The following PARD3B variants were observed in gnomAD, a reference collection of about 807,000 sequenced individuals.
PARD3B encodes partitioning defective 3 homolog B.
PARD3B carries 103 observed loss-of-function variants against 130.2 expected under a neutral mutation model. That is an observed-to-expected ratio of 0.79 (90% CI 0.67 to 0.93). The LOEUF is 0.93. PARD3B is among the 40% of genes least tolerant of loss of function. The probability of loss-of-function intolerance (pLI) is 0.00; values close to 1 mark genes in which losing one functional copy is unlikely to be tolerated. For synonymous variants in PARD3B, 583 were observed against 553.2 expected (o/e 1.05, Z -0.76); for missense variants, 1,609 against 1,499.2 (o/e 1.07, Z -1.21).
chr2:205,104,361 A>G (rs1310522506), intron 4 of PARD3B, 65 bp from the exon 5 acceptor site: 1 of 1,201,808 alleles, frequency 8.3e-7, no homozygotes, highest in African/African-American at 1.5e-5. Flanking sequence ...ATATTGGGAT[A>G]TTTTATTCAG....
chr2:205,041,576 C>T (rs1308570689), intron 3 of PARD3B, among the ~76,000 whole-genome samples: 3 of 152,058 alleles, frequency 2.0e-5, no homozygotes, highest in Non-Finnish European at 4.4e-5. Context: ...GTGAGGTCCT[C>T]TAGTTCTTAC....
rs1283594347 is a variant in PARD3B at position 205,091,903 on chromosome 2, A to G, written c.505-12523A>G. ...AGCACTGGAGCAAAGGGGACCCTCA[A>G]TAAGGACTTGTGAACTGAATGATTC... On this transcript the variant is annotated intron_variant, in intron 4 of 22. Coordinates refer to ENST00000406610, the MANE Select transcript of PARD3B (RefSeq NM_001302769.2). The surrounding 1 kb of genome is among the most constrained non-coding windows in gnomAD (Gnocchi z 4.2). 2.0e-5 allele frequency among the ~76,000 whole-genome samples: 3 copies of G among 152,144 alleles called. No individual in the cohort carries two copies. Among genetic ancestry groups the G allele is most frequent in the Non-Finnish European group, 4.4e-5 (3 of 68,020 alleles).
At chr2:204,808,968 A>C (rs114457033) in intron 2 of PARD3B, among the ~76,000 whole-genome samples, 4,953 of 152,170 alleles carry the variant, frequency 0.033, 87 homozygotes, top group Middle Eastern at 0.068. Context: ...TTTTATTGCC[A>C]TTCTGACTGG....
At chr2:205,386,287 G>C (rs886441490) in intron 18 of PARD3B, among the ~76,000 whole-genome samples, 17 of 152,136 alleles carry the variant, frequency 1.1e-4, no homozygotes, top group African/African-American at 3.4e-4. Context: ...AAGACTCTCT[G>C]GGGTTGGGAG....
intron 19 of PARD3B, among the ~76,000 whole-genome samples, chr2:205,413,909 A>T (rs957362154): frequency 6.6e-6 from 1 of 152,200 alleles, no homozygotes; most frequent in African/African-American, 2.4e-5. Flanking sequence ...AGTACCATTT[A>T]TTTTAACCTT....
At chr2:204,802,899 T>G (rs561919807) in intron 2 of PARD3B, among the ~76,000 whole-genome samples, 1 of 152,090 alleles carries the variant, frequency 6.6e-6, no homozygotes, top group South Asian at 2.1e-4. Flanking sequence ...GATGATGGGT[T>G]GATGGGTGCA....
intron 2 of PARD3B, among the ~76,000 whole-genome samples, chr2:204,851,278 T>G (rs2044697246): frequency 6.6e-6 from 1 of 152,170 alleles, no homozygotes. Context: ...TGCCTGCCTG[T>G]GTGAGTTTGC....
intron 1 of PARD3B, among the ~76,000 whole-genome samples, chr2:204,584,063 G>A (rs112708532): frequency 9.8e-5 from 15 of 152,344 alleles, no homozygotes; most frequent in African/African-American, 3.6e-4. Flanking sequence ...GCTGGAGCCA[G>A]GAATTTGTAG....
At chr2:205,385,490 G>A (rs549226014) in intron 18 of PARD3B, among the ~76,000 whole-genome samples, 37 of 152,052 alleles carry the variant, frequency 2.4e-4, no homozygotes, top group African/African-American at 8.2e-4. Context: ...TCCTATAGAG[G>A]GCTTTCTGGA....
chr2:205,217,786 ATG>A (rs1392320212), intron 15 of PARD3B, among the ~76,000 whole-genome samples: 1 of 146,502 alleles, frequency 6.8e-6, no homozygotes, highest in Non-Finnish European at 1.5e-5. Flanking sequence ...ATGTATATAT[ATG>A]TGTGCATGTA....
At chr2:205,077,497 T>C (rs1701139741) in intron 4 of PARD3B, among the ~76,000 whole-genome samples, 1 of 152,198 alleles carries the variant, frequency 6.6e-6, no homozygotes, top group Non-Finnish European at 1.5e-5. Flanking sequence ...TTTCTCTTGA[T>C]GCATGCGTGC....
At chr2:205,370,045 T>A (rs1478749793) in intron 18 of PARD3B, among the ~76,000 whole-genome samples, 1 of 152,138 alleles carries the variant, frequency 6.6e-6, no homozygotes, top group African/African-American at 2.4e-5. Context: ...TTTTCCTCAC[T>A]TCCCCAAGGA....
At chr2:205,085,919 G>A (rs1290646843) in intron 4 of PARD3B, among the ~76,000 whole-genome samples, 1 of 152,128 alleles carries the variant, frequency 6.6e-6, no homozygotes, top group Non-Finnish European at 1.5e-5. Context: ...CATTATATAA[G>A]GCTGTATCTT....
intron 21 of PARD3B, among the ~76,000 whole-genome samples, chr2:205,542,271 G>A (rs1385996871): frequency 6.6e-6 from 1 of 151,390 alleles, no homozygotes; most frequent in Non-Finnish European, 1.5e-5. Context: ...AGGTTGCTAT[G>A]GGTTACTAAA....
intron 2 of PARD3B, among the ~76,000 whole-genome samples, chr2:204,914,609 T>G (rs990389894): frequency 2.0e-5 from 3 of 152,098 alleles, no homozygotes; most frequent in Non-Finnish European, 4.4e-5. Context: ...TGATGTATCA[T>G]GTAGGAATTG....
intron 21 of PARD3B, among the ~76,000 whole-genome samples, chr2:205,553,118 T>C (rs2052723252): frequency 6.6e-6 from 1 of 152,234 alleles, no homozygotes; most frequent in African/African-American, 2.4e-5. Context: ...TGACCCTTTT[T>C]TGAAAGAAGT....
chr2:205,585,112 G>A lies in PARD3B; in HGVS notation c.3261-30344G>A, dbSNP rs571531171. ...GTGGAGGCGTGAAAATAGATCCTTC[G>A]TAACCCCACAGCCTTGGAATGATTG... On this transcript the variant is annotated intron_variant, in intron 22 of 22. Coordinates refer to ENST00000406610, the MANE Select transcript of PARD3B (RefSeq NM_001302769.2). The surrounding 1 kb of genome is among the most constrained non-coding windows in gnomAD (Gnocchi z 5.4). 6.6e-5 allele frequency among the ~76,000 whole-genome samples: 10 copies of A among 152,274 alleles called. No homozygotes were observed. The highest frequency in any genetic ancestry group is 1.9e-4 in the East Asian group (1 of 5,164).
At chr2:204,578,806 G>A (rs760285328) in intron 1 of PARD3B, among the ~76,000 whole-genome samples, 1 of 152,092 alleles carries the variant, frequency 6.6e-6, no homozygotes, top group Non-Finnish European at 1.5e-5. Context: ...CTTGAACTAT[G>A]CACTCTACTA....
At chr2:205,039,083 T>TA (rs1422839963) in intron 3 of PARD3B, among the ~76,000 whole-genome samples, 6 of 152,104 alleles carry the variant, frequency 3.9e-5, no homozygotes, top group African/African-American at 1.2e-4. Context: ...TTTTTTTTTT[T>TA]ATGGGTCTCC....
Sources: allele counts gnomAD v4.1 joint callset (sites outside exome capture counted in the v4.1 genomes callset), GRCh38; gene constraint gnomAD v4.1.1; non-coding constraint Gnocchi (gnomAD v3.1); transcripts MANE v1.5; gene names NCBI Gene and HGNC (gene_info 2026-07-23, HGNC 2026-07-21).